CDKAL1: variants seen among roughly 807,000 people sequenced by gnomAD.
CDKAL1 encodes CDKAL1 threonylcarbamoyladenosine tRNA methylthiotransferase, also known as threonylcarbamoyladenosine tRNA methylthiotransferase.
A neutral mutation model predicts 68.2 loss-of-function variants in CDKAL1; 32 were observed. That is an observed-to-expected ratio of 0.47 (90% CI 0.35 to 0.63). CDKAL1 has a LOEUF of 0.63. Ranked by LOEUF, CDKAL1 falls within the 30% of genes least tolerant of loss-of-function variation. The probability of loss-of-function intolerance (pLI) is 0.00; values close to 1 mark genes in which losing one functional copy is unlikely to be tolerated. For missense variants in CDKAL1, 606 were observed against 696.7 expected (o/e 0.87, Z 1.47); for synonymous variants, 234 against 244.3 (o/e 0.96, Z 0.39).
intron 15 of CDKAL1, 143 bp from the exon 16 acceptor site, chr6:21,230,705 G>A: frequency 1.7e-6 from 1 of 578,512 alleles, no homozygotes; most frequent in Non-Finnish European, 2.8e-6. Context: ...GGGCCACCTG[G>A]CCCATGGTGG....
At chr6:21,197,932 A>T in intron 13 of CDKAL1, 89 bp from the exon 14 acceptor site, 3 of 722,130 alleles carry the variant, frequency 4.2e-6, no homozygotes, top group Non-Finnish European at 4.6e-6. Context: ...CTTGGTCCAG[A>T]CCTACCTGGG....
At chr6:20,964,234 T>C (rs911200816) in intron 10 of CDKAL1, among the ~76,000 whole-genome samples, 2 of 152,202 alleles carry the variant, frequency 1.3e-5, no homozygotes, top group East Asian at 1.9e-4. Context: ...GTTCAACCAT[T>C]GTGGAAGACT....
At position 20,614,878 on chromosome 6, in the gene CDKAL1, A is replaced by G. The variant is rs1166466897; in HGVS notation, c.287-34415A>G. The stretch of plus-strand genomic sequence containing the variant: ...TGTGCCATGCTGATGCGCTGCACCC[A>G]CTAACTCGTCATCTAGCATTAGGTA... On this transcript the variant is annotated intron_variant, in intron 4 of 15. Transcript: ENST00000274695. 5.3e-5 allele frequency among the ~76,000 whole-genome samples: 8 copies of G among 150,174 alleles called. No individual in the cohort carries two copies. In the East Asian group the frequency reaches 1.6e-3, roughly 30 times the overall value.
intron 13 of CDKAL1, among the ~76,000 whole-genome samples, chr6:21,160,808 G>A (rs1448418422): frequency 2.0e-5 from 3 of 151,202 alleles, no homozygotes; most frequent in Admixed American, 1.3e-4. Context: ...CTGTCAACCC[G>A]TCATCTAGGT....
chr6:21,168,893 A>G (rs1410003847), intron 13 of CDKAL1, among the ~76,000 whole-genome samples: 2 of 152,060 alleles, frequency 1.3e-5, no homozygotes, highest in African/African-American at 4.8e-5. Context: ...TCTTCTTTAT[A>G]AATATCCTTC....
At chr6:21,106,907 G>A (rs1280252584) in intron 12 of CDKAL1, among the ~76,000 whole-genome samples, 3 of 151,628 alleles carry the variant, frequency 2.0e-5, no homozygotes, top group Non-Finnish European at 4.4e-5. Context: ...GGTGGTTATG[G>A]GGCAGGGATC....
At chr6:20,959,224 A>G (rs970064691) in intron 10 of CDKAL1, among the ~76,000 whole-genome samples, 4 of 152,230 alleles carry the variant, frequency 2.6e-5, no homozygotes, top group African/African-American at 9.6e-5. Flanking sequence ...CTTTATTTTT[A>G]GTATCACTGC....
chr6:20,562,913 T>G (rs2127670456), intron 4 of CDKAL1, among the ~76,000 whole-genome samples: 1 of 152,180 alleles, frequency 6.6e-6, no homozygotes, highest in East Asian at 1.9e-4. Context: ...TCTGAGTTAG[T>G]GTCTAATTGT....
intron 7 of CDKAL1, among the ~76,000 whole-genome samples, chr6:20,762,988 A>G (rs1353120151): frequency 1.3e-5 from 2 of 152,004 alleles, no homozygotes; most frequent in African/African-American, 4.8e-5. Context: ...GATGTTTCTT[A>G]TATATTTTTT....
chr6:20,955,610 T>G, intron 10 of CDKAL1, 25 bp downstream of exon 10: 1 of 1,609,966 alleles, frequency 6.2e-7, no homozygotes, highest in Non-Finnish European at 8.5e-7. Context: ...CCTATTTGCA[T>G]GCTAACATAG....
chr6:21,044,591 G>A (rs753313779), intron 11 of CDKAL1, among the ~76,000 whole-genome samples: 2 of 152,060 alleles, frequency 1.3e-5, no homozygotes, highest in Non-Finnish European at 2.9e-5. Context: ...TTTTATAAAT[G>A]CTAACTTTAT....
intron 8 of CDKAL1, among the ~76,000 whole-genome samples, chr6:20,807,446 C>G (rs1776620392): frequency 6.6e-6 from 1 of 152,178 alleles, no homozygotes; most frequent in Admixed American, 6.5e-5. Context: ...TGGTCTCGAA[C>G]TCCTGACCTT....
At position 20,665,857 on chromosome 6, in the gene CDKAL1, A is replaced by T. The variant is rs369452413; in HGVS notation, c.371+16480A>T. On this transcript the variant is annotated intron_variant, in intron 5 of 15. Coordinates refer to ENST00000274695, the MANE Select transcript of CDKAL1 (RefSeq NM_017774.3). ...ATGTTAAGTGGGGCTTTCAGAACTC[A>T]TGCAGGTCGTGTGGAATTCTCTGTA... 3.3e-5 allele frequency among the ~76,000 whole-genome samples: 5 copies of T among 152,230 alleles called. No individual in the cohort carries two copies. In the East Asian group the frequency reaches 9.6e-4, roughly 29 times the overall value.
chr6:21,228,042 C>G (rs182876859), intron 15 of CDKAL1, among the ~76,000 whole-genome samples: 1 of 152,170 alleles, frequency 6.6e-6, no homozygotes, highest in African/African-American at 2.4e-5. Context: ...AGCCTGACAC[C>G]TGGCCTGGCA....
At chr6:20,812,316 A>G (rs1776854221) in intron 8 of CDKAL1, among the ~76,000 whole-genome samples, 1 of 152,152 alleles carries the variant, frequency 6.6e-6, no homozygotes, top group Non-Finnish European at 1.5e-5. Context: ...TTTCTTTAGA[A>G]AAGCATTTCT....
chr6:20,618,612 G>A (rs1767035524), intron 4 of CDKAL1, among the ~76,000 whole-genome samples: 1 of 152,076 alleles, frequency 6.6e-6, no homozygotes, highest in Admixed American at 6.6e-5. Context: ...GCGTGTCCAG[G>A]CATATTCCCT....
chr6:20,572,165 T>A (rs1290659444), intron 4 of CDKAL1, among the ~76,000 whole-genome samples: 1 of 152,166 alleles, frequency 6.6e-6, no homozygotes. Context: ...CTCTGACTTC[T>A]CCCAAGATAC....
At chr6:20,900,917 CT>C (rs1304127321) in intron 9 of CDKAL1, among the ~76,000 whole-genome samples, 1 of 152,012 alleles carries the variant, frequency 6.6e-6, no homozygotes, top group Non-Finnish European at 1.5e-5. Context: ...AATCATTATC[CT>C]TTAGTTATTG....
chr6:20,568,739 A>AC (rs948856234), intron 4 of CDKAL1, among the ~76,000 whole-genome samples: 27 of 83,868 alleles, frequency 3.2e-4, no homozygotes, highest in African/African-American at 1.1e-3. Context: ...CGCCTCAAAA[A>AC]AAAAAAAAAA....
Sources: allele counts gnomAD v4.1 joint callset (sites outside exome capture counted in the v4.1 genomes callset), GRCh38; gene constraint gnomAD v4.1.1; transcripts MANE v1.5; gene names NCBI Gene and HGNC (gene_info 2026-07-23, HGNC 2026-07-21).